Variants in SUGCT observed in about 807,000 individuals in gnomAD.
SUGCT encodes succinyl-CoA:glutarate-CoA transferase, also known as succinyl-CoA:glutarate CoA-transferase.
In SUGCT, 41 loss-of-function variants were observed where a neutral mutation model predicts 55.0. The observed-to-expected ratio is 0.74, with a 90% CI of 0.58 to 0.97. SUGCT has a LOEUF of 0.97. SUGCT is among the 50% of genes least tolerant of loss of function. SUGCT has a pLI of 0.00. For missense variants in SUGCT, 568 were observed against 547.8 expected, an observed-to-expected ratio of 1.04 and a Z score of -0.37; for synonymous variants, 187 against 200.4, an observed-to-expected ratio of 0.93 and a Z score of 0.56.
chr7:40,316,713 G>A (rs1795450737), intron 8 of SUGCT, 47 bp from the exon 9 acceptor site: 1 of 1,238,304 alleles, frequency 8.1e-7, no homozygotes, highest in Non-Finnish European at 1.2e-6. Context: ...TATGAGTATA[G>A]ATAAACTAGC....
chr7:40,335,824 C>T lies in SUGCT; in HGVS notation c.816+18969C>T, dbSNP rs192876130. On this transcript the variant is annotated intron_variant, in intron 9 of 13. Transcript: ENST00000335693. ...TGAGAGAGGGCATCCCTGTCTTGTG[C>T]GAGTTTTCAAAGGCAATGCTTCCAG... is the stretch of plus-strand genomic sequence containing the variant. Among the ~76,000 whole-genome samples the T allele has an allele frequency of 1.5e-3, 233 of 152,256 alleles. 2 individuals carry two copies. Among genetic ancestry groups the T allele is most frequent in the African/African-American group, 5.0e-3 (209 of 41,530 alleles).
At chr7:40,523,511 T>A (rs940806458) in intron 12 of SUGCT, among the ~76,000 whole-genome samples, 21 of 152,086 alleles carry the variant, frequency 1.4e-4, no homozygotes, top group Admixed American at 6.6e-5. Flanking sequence ...AGAAAAAACT[T>A]CCACATAGTG....
intron 7 of SUGCT, among the ~76,000 whole-genome samples, chr7:40,272,002 G>A (rs1792051903): frequency 6.7e-6 from 1 of 150,170 alleles, no homozygotes; most frequent in African/African-American, 2.5e-5. Flanking sequence ...TGTTGCAAAT[G>A]ACAGGAATTT....
chr7:40,736,597 T>C (rs1020844470), intron 12 of SUGCT, among the ~76,000 whole-genome samples: 12 of 151,592 alleles, frequency 7.9e-5, no homozygotes, highest in Non-Finnish European at 1.8e-4. Flanking sequence ...AGGAAAAAAA[T>C]ACAGATTACC....
intron 8 of SUGCT, among the ~76,000 whole-genome samples, chr7:40,293,074 G>A (rs1366983656): frequency 1.3e-5 from 2 of 151,976 alleles, no homozygotes; most frequent in East Asian, 1.9e-4. Context: ...TTGCATTTTT[G>A]TTTGTTTAAA....
intron 6 of SUGCT, among the ~76,000 whole-genome samples, chr7:40,236,844 T>C (rs1789049190): frequency 6.6e-6 from 1 of 152,030 alleles, no homozygotes; most frequent in South Asian, 2.1e-4. Context: ...TTTCCTTTTT[T>C]TTTGTTTTAA....
intron 9 of SUGCT, among the ~76,000 whole-genome samples, chr7:40,441,891 T>C (rs1042719194): frequency 6.6e-6 from 1 of 152,086 alleles, no homozygotes; most frequent in Non-Finnish European, 1.5e-5. Flanking sequence ...ATCTTAGCAG[T>C]GTCCAAATTA....
At chr7:40,360,571 G>C (rs1798103914) in intron 9 of SUGCT, among the ~76,000 whole-genome samples, 1 of 152,174 alleles carries the variant, frequency 6.6e-6, no homozygotes, top group South Asian at 2.1e-4. Flanking sequence ...TGCAGTAACA[G>C]AGTAAGTGCA....
At chr7:40,329,806 A>C (rs1348872886) in intron 9 of SUGCT, among the ~76,000 whole-genome samples, 1 of 152,178 alleles carries the variant, frequency 6.6e-6, no homozygotes, top group African/African-American at 2.4e-5. Flanking sequence ...ATTTGCAAGA[A>C]TCCCTGAACA....
intron 12 of SUGCT, among the ~76,000 whole-genome samples, chr7:40,568,797 G>A (rs1178784660): frequency 6.6e-6 from 1 of 152,150 alleles, no homozygotes; most frequent in Non-Finnish European, 1.5e-5. Context: ...AAGAAAAATA[G>A]CTTCCTTTAG....
intron 12 of SUGCT, among the ~76,000 whole-genome samples, chr7:40,501,209 C>A (rs945671626): frequency 6.6e-6 from 1 of 152,036 alleles, no homozygotes; most frequent in Non-Finnish European, 1.5e-5. Context: ...AACTGATGTA[C>A]AAATTTAGAT....
chr7:40,284,760 GA>G (rs1438998332), intron 8 of SUGCT, among the ~76,000 whole-genome samples: 7 of 151,548 alleles, frequency 4.6e-5, no homozygotes, highest in Non-Finnish European at 8.8e-5. Context: ...AAAACATTGG[GA>G]AAAAAAAGGA....
intron 7 of SUGCT, among the ~76,000 whole-genome samples, chr7:40,245,763 G>C (rs1789831633): frequency 6.6e-6 from 1 of 151,906 alleles, no homozygotes; most frequent in African/African-American, 2.4e-5. Flanking sequence ...TATGGGGCAT[G>C]TAAGATTTTT....
At chr7:40,688,198 A>G (rs115601889) in intron 12 of SUGCT, among the ~76,000 whole-genome samples, 1 of 152,166 alleles carries the variant, frequency 6.6e-6, no homozygotes, top group Non-Finnish European at 1.5e-5. Flanking sequence ...AACAGCTTCA[A>G]CTTTCTTCCA....
chr7:40,565,347 T>C (rs1796066950), intron 12 of SUGCT, among the ~76,000 whole-genome samples: 1 of 152,216 alleles, frequency 6.6e-6, no homozygotes, highest in Non-Finnish European at 1.5e-5. Flanking sequence ...GGCTAAATTA[T>C]TATACTGCTC....
intron 12 of SUGCT, among the ~76,000 whole-genome samples, chr7:40,612,414 G>A (rs1052719117): frequency 2.0e-5 from 3 of 152,098 alleles, no homozygotes; most frequent in South Asian, 2.1e-4. Context: ...CTTTGAACTC[G>A]TACACTTGCC....
intron 9 of SUGCT, among the ~76,000 whole-genome samples, chr7:40,318,405 T>C (rs1795548852): frequency 6.6e-6 from 1 of 152,204 alleles, no homozygotes; most frequent in African/African-American, 2.4e-5. Flanking sequence ...TGGGAAATCA[T>C]CTCAAATAAT....
At chr7:40,321,450 T>C (rs1373162472) in intron 9 of SUGCT, among the ~76,000 whole-genome samples, 2 of 151,946 alleles carry the variant, frequency 1.3e-5, no homozygotes, top group Admixed American at 6.6e-5. Context: ...TGGTGCTGTC[T>C]CAGCTCACTG....
chr7:40,685,641 T>A lies in SUGCT; in HGVS notation c.1090-63793T>A, dbSNP rs1189490110. ...GGATTTTTTTCCCGTCTAGAAACTT[T>A]AAAAATAATCTTTTAATATCTGGTG... On this transcript the variant is annotated intron_variant, in intron 12 of 13. Transcript: ENST00000335693. Among the ~76,000 whole-genome samples, 3 of 152,334 alleles carry A rather than the reference T, an allele frequency of 2.0e-5. No individual in the cohort carries two copies. The South Asian group carries it at 6.2e-4, about 32-fold the overall frequency.
Sources: allele counts gnomAD v4.1 joint callset (sites outside exome capture counted in the v4.1 genomes callset), GRCh38; gene constraint gnomAD v4.1.1; transcripts MANE v1.5; gene names NCBI Gene and HGNC (gene_info 2026-07-23, HGNC 2026-07-21).